NIP7: variants seen among roughly 807,000 people sequenced by gnomAD.
The protein encoded by NIP7 is nucleolar pre-rRNA processing protein NIP7.
Under a neutral mutation model 20.1 loss-of-function variants are expected in NIP7, and 12 were observed. The ratio of observed to expected loss-of-function variants is 0.60; its 90% CI spans 0.38 to 0.97. The LOEUF is 0.97. Ranked by LOEUF, NIP7 falls within the 50% of genes least tolerant of loss-of-function variation. NIP7 has a pLI of 0.00. For missense variants in NIP7, 226 were observed against 226.6 expected (o/e 1.00, Z 0.02); for synonymous variants, 103 against 87.2 (o/e 1.18, Z -1.01).
rs1007074419 is a variant in NIP7 at position 69,339,846 on chromosome 16, A to G, written c.17A>G (p.Glu6Gly). The G allele has an allele frequency of 6.2e-7, 1 of 1,613,476 alleles. No homozygotes were observed. Among genetic ancestry groups the G allele is most frequent in the Non-Finnish European group, 8.5e-7 (1 of 1,180,034 alleles). MRPLT[E>G]EETRVMFEKI... is the part of the protein sequence containing the mutation. ...GGGGGAAAAATGCGGCCTTTGACTG[A>G]AGAGGAGACCCGTGTCATGTTTGAG... The change falls in exon 1 of 5, where the codon GAA becomes GGA. Residue 6 changes from glutamate (E) to glycine (G), a missense_variant. By Grantham distance (98) the Glu-to-Gly change is moderately conservative. Transcript: ENST00000254940.
At position 69,341,815 on chromosome 16, in the gene NIP7, C is replaced by A. The variant is rs2012565083; in HGVS notation, c.*163C>A. 3.9e-6 allele frequency: 3 copies of A among 762,850 alleles called. No homozygotes were observed. Among genetic ancestry groups the A allele is most frequent in the Non-Finnish European group, 6.2e-6 (3 of 483,678 alleles). 47.3% of individuals were successfully genotyped at this position (762,850 alleles called of 1,614,324 possible). ...ATCACTGACAAATGCAGGCTGGATTCTTATTATATACAGAGATGGCTCAAA... is the reference window on the plus strand; with the variant it reads ...ATCACTGACAAATGCAGGCTGGATTATTATTATATACAGAGATGGCTCAAA... On this transcript the variant is annotated 3_prime_UTR_variant, in exon 5 of 5. Transcript: ENST00000254940.
At chr16:69,341,148 T>C (rs756602416) in intron 3 of NIP7, 32 bp from the exon 4 acceptor site, 4 of 1,591,772 alleles carry the variant, frequency 2.5e-6, no homozygotes, top group Non-Finnish European at 3.4e-6. Flanking sequence ...TAGTAACGTT[T>C]TTATGTCTCT....
Position 69,340,266 on chromosome 16 carries a change from A to G in NIP7, c.216A>G (p.Lys72=). The G allele has an allele frequency of 6.2e-7, 1 of 1,614,160 alleles. No homozygotes were observed. The highest frequency in any genetic ancestry group is 2.2e-5 in the East Asian group (1 of 44,888). ...KLVSLGTCFG[K]FTKTHKFRLH... Reference sequence around the variant, plus strand: ...TGTCGCTGGGGACCTGCTTTGGAAAATTCACTAAAACCCACAAGTTTCGGT... The same window carrying G: ...TGTCGCTGGGGACCTGCTTTGGAAAGTTCACTAAAACCCACAAGTTTCGGT... The change falls in exon 3 of 5, where the codon AAA becomes AAG. Residue 72 remains lysine (K), a synonymous_variant. Coordinates refer to ENST00000254940, the MANE Select transcript of NIP7 (RefSeq NM_016101.5).
intron 3 of NIP7, 195 bp from the exon 4 acceptor site, chr16:69,340,985 T>C (rs2012521364): frequency 1.9e-6 from 1 of 522,442 alleles, no homozygotes; most frequent in Non-Finnish European, 3.4e-6. Context: ...AGTGCTGGGA[T>C]TACAAGCGTG....
rs1292078895 is a variant in NIP7, at chr16:69,339,825, G to A, written c.-5G>A. 3 of 1,612,740 alleles carry A rather than the reference G, an allele frequency of 1.9e-6. No homozygotes were observed. Among genetic ancestry groups the A allele is most frequent in the East Asian group, 4.5e-5 (2 of 44,866 alleles). ...AGGATCCGGTGTTCCAACCCAGGGG[G>A]AAAAATGCGGCCTTTGACTGAAGAG... On this transcript the variant is annotated 5_prime_UTR_variant, in exon 1 of 5. Transcript: ENST00000254940.
intron 4 of NIP7, 44 bp from the exon 5 acceptor site, chr16:69,341,489 T>C (rs760182885): frequency 3.1e-6 from 5 of 1,609,176 alleles, no homozygotes; most frequent in South Asian, 2.2e-5. Flanking sequence ...TATGGGCATA[T>C]TGAATGACTT....
chr16:69,339,816 AC>A lies in NIP7; in HGVS notation c.-11del. On this transcript the variant is annotated 5_prime_UTR_variant, in exon 1 of 5. Transcript: ENST00000254940. The stretch of plus-strand genomic sequence containing the variant: ...CAAGGCACGAGGATCCGGTGTTCCA[AC>A]CCAGGGGGAAAAATGCGGCCTTTGA... 4 of 1,612,316 alleles carry A rather than the reference AC, an allele frequency of 2.5e-6. No individual in the cohort carries two copies. Among genetic ancestry groups the A allele is most frequent in the Non-Finnish European group, 3.4e-6 (4 of 1,179,914 alleles).
Position 69,341,887 on chromosome 16 carries a change from T to C in NIP7, c.*235T>C. ...GACGAAATAGAATACTGTTTCATAT[T>C]TGAATCAGAGGGCTTCTTGTTCTGA... On this transcript the variant is annotated 3_prime_UTR_variant, in exon 5 of 5. Coordinates refer to ENST00000254940, the MANE Select transcript of NIP7 (RefSeq NM_016101.5). 1 of 382,092 alleles carries C rather than the reference T, an allele frequency of 2.6e-6. No homozygotes were observed. Among genetic ancestry groups the C allele is most frequent in the South Asian group, 4.7e-5 (1 of 21,266 alleles). 23.7% of individuals were successfully genotyped at this position (382,092 alleles called of 1,614,324 possible).
intron 2 of NIP7, 31 bp downstream of exon 2, chr16:69,340,123 C>A: frequency 1.2e-6 from 2 of 1,613,386 alleles, no homozygotes; most frequent in Non-Finnish European, 1.7e-6. Context: ...CAGCATGGAC[C>A]CAGGGGAGAG....
chr16:69,340,303 G>C lies in NIP7; in HGVS notation c.253G>C (p.Ala85Pro). 1 of 1,613,772 alleles carries C rather than the reference G, an allele frequency of 6.2e-7. No individual in the cohort carries two copies. Among genetic ancestry groups the C allele is most frequent in the Non-Finnish European group, 8.5e-7 (1 of 1,180,034 alleles). Reference sequence around the variant, plus strand: ...CCACAAGTTTCGGTTGCACGTCACAGCTCTGGATTACCTTGCACCTTATGC... The same window carrying C: ...CCACAAGTTTCGGTTGCACGTCACACCTCTGGATTACCTTGCACCTTATGC... Reference protein sequence around the residue: ...KTHKFRLHVTALDYLAPYAKY... With the variant: ...KTHKFRLHVTPLDYLAPYAKY... Residue 85 changes from alanine to proline, a missense_variant, in exon 3 of 5, where the codon GCT becomes CCT. Transcript: ENST00000254940.
chr16:69,341,186 G>A lies in NIP7; in HGVS notation c.289G>A (p.Val97Ile). 6.2e-7 allele frequency: 1 copy of A among 1,613,446 alleles called. No individual in the cohort carries two copies. The highest frequency in any genetic ancestry group is 8.5e-7 in the Non-Finnish European group (1 of 1,179,720). ...DYLAPYAKYK[V>I]WIKPGAEQSF... Reference sequence around the variant, plus strand: ...GATTTTAATTCTCTTATAGTATAAAGTTTGGATAAAGCCTGGTGCAGAGCA... The same window carrying A: ...GATTTTAATTCTCTTATAGTATAAAATTTGGATAAAGCCTGGTGCAGAGCA... The change falls in exon 4 of 5, where the codon GTT (valine) becomes ATT (isoleucine). Residue 97 changes from valine (V) to isoleucine (I), a missense_variant. Coordinates refer to ENST00000254940, the MANE Select transcript of NIP7 (RefSeq NM_016101.5).
In NIP7 at chr16:69,339,833, C is replaced by A. The variant is rs561878471; in HGVS notation, c.4C>A (p.Arg2=). The A allele has an allele frequency of 1.9e-6, 3 of 1,612,756 alleles. No homozygotes were observed. Among genetic ancestry groups the A allele is most frequent in the Non-Finnish European group, 2.5e-6 (3 of 1,180,034 alleles). ...GTGTTCCAACCCAGGGGGAAAAATG[C>A]GGCCTTTGACTGAAGAGGAGACCCG... M[R]PLTEEETRVM... is the part of the protein sequence containing the mutation. Residue 2 remains arginine, a synonymous_variant, in exon 1 of 5, where the codon CGG becomes AGG. Transcript: ENST00000254940.
At chr16:69,340,540 G>T in intron 3 of NIP7, 2 of 632,692 alleles carry the variant, frequency 3.2e-6, no homozygotes, top group East Asian at 2.8e-5. Context: ...TTTCTCCAGC[G>T]AAGTAGAAGA....
In NIP7 at chr16:69,340,419, CT is replaced by C. The variant is rs749538244; in HGVS notation, c.282+88del. 13 of 1,505,484 alleles carry C rather than the reference CT, an allele frequency of 8.6e-6. No individual in the cohort carries two copies. The Admixed American group carries it at 2.3e-4, about 27-fold the overall frequency. 93.3% of individuals were successfully genotyped at this position (1,505,484 alleles called of 1,614,324 possible). On this transcript the variant is annotated intron_variant, in intron 3 of 4. Coordinates refer to ENST00000254940, the MANE Select transcript of NIP7 (RefSeq NM_016101.5). ...CGGCAGCTTCTCTCCCACAGAGTCC[CT>C]GACAGTGTGCTTGGAGGAGTTTCAG... is the stretch of plus-strand genomic sequence containing the variant.
At chr16:69,339,934 G>C (rs757612221) in intron 1 of NIP7, 49 bp downstream of exon 1, 2 of 1,612,992 alleles carry the variant, frequency 1.2e-6, no homozygotes, top group Non-Finnish European at 1.7e-6. Flanking sequence ...TGGTGGCCAA[G>C]GGTGGAGTGG....
chr16:69,341,506 G>A (rs758748820), intron 4 of NIP7, 27 bp from the exon 5 acceptor site: 1 of 1,613,298 alleles, frequency 6.2e-7, no homozygotes. Flanking sequence ...ACTTCAGTGA[G>A]TTAGTGTCTC....
rs1483322061 is a variant in NIP7 at position 69,341,646 on chromosome 16, G to A, written c.537G>A (p.Leu179=). The change falls in exon 5 of 5, where the codon TTG becomes TTA. Residue 179 remains leucine, a synonymous_variant. Transcript: ENST00000254940. ...IGEYVRHEET[L]T ...AATATGTGCGGCATGAAGAGACGTT[G>A]ACTTAAAACGAAGCCATTCCAAGGA... 1 of 1,614,110 alleles carries A rather than the reference G, an allele frequency of 6.2e-7. No homozygotes were observed. Among genetic ancestry groups the A allele is most frequent in the Non-Finnish European group, 8.5e-7 (1 of 1,180,010 alleles).
chr16:69,341,465 T>G (rs747917774), intron 4 of NIP7, 68 bp from the exon 5 acceptor site: 1 of 1,591,980 alleles, frequency 6.3e-7, no homozygotes, highest in South Asian at 1.1e-5. Context: ...GTCTTTGTTA[T>G]TTCCAGCCCT....
Position 69,342,862 on chromosome 16 carries a change from T to C in NIP7, c.*1210T>C, listed in dbSNP as rs1486270544. 6.6e-6 allele frequency: 1 copy of C among 152,214 alleles called. No individual in the cohort carries two copies. Among genetic ancestry groups the C allele is most frequent in the Non-Finnish European group, 1.5e-5 (1 of 68,066 alleles). 9.4% of individuals were successfully genotyped at this position (152,214 alleles called of 1,614,324 possible). On this transcript the variant is annotated 3_prime_UTR_variant, in exon 5 of 5. Coordinates refer to ENST00000254940, the MANE Select transcript of NIP7 (RefSeq NM_016101.5). ...ATGAACCTTTACTTACTTGACTGGA[T>C]TGGACTAAAAGCACTGATCAGAGGC... is the stretch of plus-strand genomic sequence containing the variant.
Sources: gnomAD v4.1 joint callset for allele counts on GRCh38, gnomAD v4.1.1 for gene constraint, MANE v1.5 for transcripts, NCBI Gene and HGNC (gene_info 2026-07-23, HGNC 2026-07-21) for gene names.